The following NAV3 variants were observed in gnomAD, a reference collection of about 807,000 sequenced individuals.
NAV3 encodes pore membrane and/or filament interacting like protein 1.
NAV3 carries 87 observed loss-of-function variants against 244.7 expected under a neutral mutation model. That is an observed-to-expected ratio of 0.36 (90% CI 0.30 to 0.42). The LOEUF is 0.42. Among genes scored for constraint, NAV3 ranks in the 20% least tolerant of loss-of-function variants. The pLI, the probability that NAV3 is intolerant of heterozygous loss-of-function variation, is 1.00. For missense variants in NAV3, 2,663 were observed against 2,893.3 expected, an observed-to-expected ratio of 0.92 and a Z score of 1.83; for synonymous variants, 1,126 against 1,042.2, an observed-to-expected ratio of 1.08 and a Z score of -1.55.
In NAV3 at chr12:77,971,077, A is replaced by G. The variant is rs113581364; in HGVS notation, c.671+2375A>G. On this transcript the variant is annotated intron_variant, in intron 5 of 39. Coordinates refer to ENST00000397909, the MANE Select transcript of NAV3 (RefSeq NM_001024383.2). ...CTTTTAGGAAATTGTTTATTTTCCTATTCTTCTTGCTGGATATACATGGCT... is the reference window on the plus strand; with the variant it reads ...CTTTTAGGAAATTGTTTATTTTCCTGTTCTTCTTGCTGGATATACATGGCT... Among the ~76,000 whole-genome samples, 1,106 of 152,024 alleles carry G rather than the reference A, an allele frequency of 7.3e-3. 14 individuals carry two copies. Among genetic ancestry groups the G allele is most frequent in the African/African-American group, 0.026 (1,059 of 41,480 alleles).
At chr12:77,575,427 A>C (rs1869034384) in intron 2 of NAV3, among the ~76,000 whole-genome samples, 1 of 152,202 alleles carries the variant, frequency 6.6e-6, no homozygotes, top group South Asian at 2.1e-4. Context: ...GTATTGGGCC[A>C]TAACCCAGCT....
At position 78,064,199 on chromosome 12, in the gene NAV3, T is replaced by C. The variant is rs184041134; in HGVS notation, c.2636+5084T>C. Among the ~76,000 whole-genome samples the C allele has an allele frequency of 2.3e-4, 35 of 152,246 alleles. 1 individual carries two copies. Among genetic ancestry groups the C allele is most frequent in the African/African-American group, 8.4e-4 (35 of 41,558 alleles). On this transcript the variant is annotated intron_variant, in intron 12 of 39. Coordinates refer to ENST00000397909, the MANE Select transcript of NAV3 (RefSeq NM_001024383.2). ...TGTGTATGATAATCCTTGGCTGTCATAACTAAATACCACAGACTGAGTGGC... is the reference window on the plus strand; with the variant it reads ...TGTGTATGATAATCCTTGGCTGTCACAACTAAATACCACAGACTGAGTGGC...
At chr12:78,179,400 G>A in intron 28 of NAV3, 129 bp from the exon 29 acceptor site, 1 of 1,029,392 alleles carries the variant, frequency 9.7e-7, no homozygotes, top group South Asian at 1.7e-5. Context: ...CTTTTCTCTA[G>A]GTTTTGCCAG....
At chr12:78,045,260 T>G (rs1341209931) in intron 9 of NAV3, among the ~76,000 whole-genome samples, 3 of 152,174 alleles carry the variant, frequency 2.0e-5, no homozygotes, top group Non-Finnish European at 4.4e-5. Flanking sequence ...GAACCAGCCT[T>G]GTATCCCAGC....
chr12:78,206,944 C>T (rs1404587044), intron 39 of NAV3, among the ~76,000 whole-genome samples: 2 of 147,962 alleles, frequency 1.4e-5, no homozygotes, highest in Admixed American at 6.9e-5. Context: ...CCACAACCTC[C>T]GCCCCCCGAG....
chr12:78,040,444 C>A lies in NAV3; in HGVS notation c.2024-9549C>A, dbSNP rs929749573. 2.6e-5 allele frequency among the ~76,000 whole-genome samples: 4 copies of A among 151,732 alleles called. No individual in the cohort carries two copies. The South Asian group carries it at 8.3e-4, about 32-fold the overall frequency. ...TAGAAGAATCCAAGGATCTAAGATA[C>A]CTGTTGGATTGGAAAAAAGAAATTG... On this transcript the variant is annotated intron_variant, in intron 9 of 39. Transcript: ENST00000397909.
chr12:77,994,191 C>G (rs1871933275), intron 5 of NAV3, among the ~76,000 whole-genome samples: 1 of 152,194 alleles, frequency 6.6e-6, no homozygotes, highest in Non-Finnish European at 1.5e-5. Context: ...AACTTAAGCC[C>G]ACTTTAATTT....
intron 20 of NAV3, among the ~76,000 whole-genome samples, chr12:78,142,692 T>TTTATAGACC (rs1956674156): frequency 1.2e-5 from 1 of 82,424 alleles, no homozygotes; most frequent in African/African-American, 4.5e-5. Flanking sequence ...TGTATATATA[T>TTTATAGACC]ACATATGTAT....
chr12:77,706,981 G>A (rs1317499942), intron 2 of NAV3, among the ~76,000 whole-genome samples: 5 of 149,852 alleles, frequency 3.3e-5, no homozygotes, highest in Non-Finnish European at 5.9e-5. Context: ...TGCTTGGGCT[G>A]TTTTCCTTTC....
chr12:77,690,683 G>GT (rs1275421053), intron 2 of NAV3, among the ~76,000 whole-genome samples: 1 of 11,908 alleles, frequency 8.4e-5, no homozygotes, highest in Admixed American at 7.8e-4. Flanking sequence ...TAGAGCCTCA[G>GT]TTTTCTCCTC....
At chr12:77,634,649 C>A (rs528966612) in intron 2 of NAV3, among the ~76,000 whole-genome samples, 59 of 152,122 alleles carry the variant, frequency 3.9e-4, no homozygotes, top group African/African-American at 1.4e-3. Context: ...TCGCCTATTT[C>A]CATTTTGAAA....
chr12:77,860,716 A>T (rs1879135933), intron 1 of NAV3, among the ~76,000 whole-genome samples: 1 of 151,898 alleles, frequency 6.6e-6, no homozygotes, highest in Non-Finnish European at 1.5e-5. Flanking sequence ...GCCTAAAGTC[A>T]GTTTTAAAAT....
intron 32 of NAV3, 52 bp from the exon 33 acceptor site, chr12:78,188,557 T>C: frequency 1.9e-6 from 3 of 1,542,154 alleles, no homozygotes; most frequent in Non-Finnish European, 1.8e-6. Flanking sequence ...GTATTTGTTG[T>C]AGATGAGTTG....
chr12:77,959,912 CAAAAAAAAAAAAA>C (rs57550714), intron 3 of NAV3, among the ~76,000 whole-genome samples: 15 of 64,686 alleles, frequency 2.3e-4, no homozygotes, highest in Admixed American at 5.4e-4. Flanking sequence ...CCTGACCCGA[CAAAAAAAAAAAAA>C]AAAAAAAAAA....
intron 2 of NAV3, among the ~76,000 whole-genome samples, chr12:77,776,164 T>A (rs1870344197): frequency 6.6e-6 from 1 of 152,182 alleles, no homozygotes; most frequent in South Asian, 2.1e-4. Context: ...AAAAGCAACA[T>A]TGAGAGCCAA....
At chr12:78,071,892 C>T (rs1337020568) in intron 12 of NAV3, among the ~76,000 whole-genome samples, 16 of 152,200 alleles carry the variant, frequency 1.1e-4, no homozygotes, top group East Asian at 1.9e-4. Flanking sequence ...CACTCAAAAC[C>T]GCTCAACTAC....
rs1464121964 is a variant in NAV3 at position 78,122,297 on chromosome 12, C to T, written c.4107C>T (p.Leu1369=). 3 of 1,614,140 alleles carry T rather than the reference C, an allele frequency of 1.9e-6. No individual in the cohort carries two copies. Among genetic ancestry groups the T allele is most frequent in the South Asian group, 1.1e-5 (1 of 91,076 alleles). The change falls in exon 16 of 40, where the codon CTC becomes CTT. Residue 1369 remains leucine, a synonymous_variant. Coordinates refer to ENST00000397909, the MANE Select transcript of NAV3 (RefSeq NM_001024383.2). Reference sequence around the variant, plus strand: ...CGAGCTACCAGTCCATGACTAGCCTCCACACGAGCTCTGAGTCCATTGACC... The same window carrying T: ...CGAGCTACCAGTCCATGACTAGCCTTCACACGAGCTCTGAGTCCATTGACC... ...DTPSYQSMTS[L]HTSSESIDLP... is the part of the protein sequence containing the mutation.
intron 18 of NAV3, among the ~76,000 whole-genome samples, chr12:78,129,287 A>G (rs1420500587): frequency 6.6e-6 from 1 of 152,192 alleles, no homozygotes; most frequent in Non-Finnish European, 1.5e-5. Context: ...ATATTAAAAC[A>G]TCCTTAAAAC....
intron 9 of NAV3, among the ~76,000 whole-genome samples, chr12:78,046,825 G>A (rs1881874523): frequency 6.6e-6 from 1 of 152,158 alleles, no homozygotes; most frequent in African/African-American, 2.4e-5. Flanking sequence ...CATACTGACA[G>A]TGGGGTGTTA....
Sources: gnomAD v4.1 joint callset for allele counts (sites outside exome capture counted in the v4.1 genomes callset) on GRCh38, gnomAD v4.1.1 for gene constraint, MANE v1.5 for transcripts, NCBI Gene and HGNC (gene_info 2026-07-23, HGNC 2026-07-21) for gene names.